Variants in EYS observed in about 807,000 individuals in gnomAD.
EYS encodes protein eyes shut homolog.
Under a neutral mutation model 282.1 loss-of-function variants are expected in EYS, and 250 were observed. The ratio of observed to expected loss-of-function variants is 0.89; its 90% CI spans 0.80 to 0.98. The LOEUF (loss-of-function observed/expected upper bound fraction) is 0.98, where lower values mean the gene tolerates loss of function less well. EYS is among the 50% of genes least tolerant of loss of function. The pLI, the probability that EYS is intolerant of heterozygous loss-of-function variation, is 0.00. For missense variants in EYS, 4,016 were observed against 3,709.0 expected (o/e 1.08, Z -2.15); for synonymous variants, 1,355 against 1,282.9 (o/e 1.06, Z -1.20).
At chr6:65,672,995 C>T (rs1211770548) in intron 1 of EYS, among the ~76,000 whole-genome samples, 1 of 151,846 alleles carries the variant, frequency 6.6e-6, no homozygotes, top group East Asian at 1.9e-4. Context: ...AGCTTCTGAG[C>T]CAGGAGAAGG....
chr6:64,626,161 A>G lies in EYS; in HGVS notation c.3528T>C (p.Cys1176=). ...SSSPCLHGAD[C]EDHINGYVCK... Reference sequence around the variant, plus strand: ...AAACATATCCATTGATGTGATCTTCACAGTCTGCACCATGTAGACATGGTG... The same window carrying G: ...AAACATATCCATTGATGTGATCTTCGCAGTCTGCACCATGTAGACATGGTG... Residue 1176 remains cysteine (C), a synonymous_variant, in exon 23 of 43, where the codon TGT becomes TGC. Coordinates refer to ENST00000503581, the MANE Select transcript of EYS (RefSeq NM_001142800.2). 2.6e-6 allele frequency: 4 copies of G among 1,546,660 alleles called. No individual in the cohort carries two copies. The South Asian group carries it at 3.6e-5, about 14-fold the overall frequency.
At chr6:64,814,173 C>G (rs1208867840) in intron 21 of EYS, among the ~76,000 whole-genome samples, 1 of 152,064 alleles carries the variant, frequency 6.6e-6, no homozygotes, top group Non-Finnish European at 1.5e-5. Context: ...TCCAGCATTT[C>G]TGACACCTGT....
In EYS at chr6:64,541,823, T is replaced by C. The variant is rs1764702123; in HGVS notation, c.5644+48400A>G. Among the ~76,000 whole-genome samples, 6 of 152,162 alleles carry C rather than the reference T, an allele frequency of 3.9e-5. No individual in the cohort carries two copies. The South Asian group carries it at 1.2e-3, about 31-fold the overall frequency. On this transcript the variant is annotated intron_variant, in intron 26 of 42. Transcript: ENST00000503581. The stretch of plus-strand genomic sequence containing the variant: ...AAGGATTTGTGAGAATGAAAGATGG[T>C]AATACAATGGAAGTGTTTTGTAGTT...
intron 33 of EYS, among the ~76,000 whole-genome samples, chr6:64,029,811 G>A (rs1769731976): frequency 2.0e-5 from 3 of 152,210 alleles, no homozygotes; most frequent in Admixed American, 2.0e-4. Context: ...CCGAGCCTTA[G>A]AACTGGGAAA....
intron 31 of EYS, among the ~76,000 whole-genome samples, chr6:64,185,792 CCAAA>C (rs1205167888): frequency 6.6e-6 from 1 of 152,104 alleles, no homozygotes; most frequent in Non-Finnish European, 1.5e-5. Flanking sequence ...TCATCTTTGT[CCAAA>C]CAACTACGTG....
intron 33 of EYS, among the ~76,000 whole-genome samples, chr6:64,033,366 A>C (rs1769953727): frequency 6.6e-6 from 1 of 152,214 alleles, no homozygotes; most frequent in Non-Finnish European, 1.5e-5. Flanking sequence ...AAATTCTGAA[A>C]AGACTTTTTC....
At chr6:65,558,211 C>G (rs1333974004) in intron 2 of EYS, among the ~76,000 whole-genome samples, 2 of 152,218 alleles carry the variant, frequency 1.3e-5, no homozygotes, top group Non-Finnish European at 2.9e-5. Flanking sequence ...CAACTGCAGG[C>G]CAGCACCAAG....
At chr6:65,654,422 AT>A (rs1767750681) in intron 1 of EYS, among the ~76,000 whole-genome samples, 1 of 151,802 alleles carries the variant, frequency 6.6e-6, no homozygotes, top group African/African-American at 2.4e-5. Context: ...CAACCCAAAG[AT>A]TTTTCCAAAT....
At chr6:64,260,952 A>C (rs1021942940) in intron 30 of EYS, among the ~76,000 whole-genome samples, 31 of 151,856 alleles carry the variant, frequency 2.0e-4, no homozygotes, top group Non-Finnish European at 3.8e-4. Context: ...TTTTTATACA[A>C]GTATACAATG....
intron 22 of EYS, among the ~76,000 whole-genome samples, chr6:64,762,322 A>G (rs908236597): frequency 3.3e-5 from 5 of 152,208 alleles, no homozygotes; most frequent in Non-Finnish European, 5.9e-5. Flanking sequence ...GCTAACTACT[A>G]TATTTTTCTG....
At chr6:65,331,299 G>T in intron 11 of EYS, 1 of 642,234 alleles carries the variant, frequency 1.6e-6, no homozygotes, top group Non-Finnish European at 1.9e-6. Context: ...CATTTATTCA[G>T]TGTATATATA....
chr6:64,763,016 A>G (rs192503956), intron 22 of EYS, among the ~76,000 whole-genome samples: 292 of 152,318 alleles, frequency 1.9e-3, no homozygotes, highest in African/African-American at 6.5e-3. Flanking sequence ...AAACTTTCTG[A>G]ATGGGAATTA....
chr6:65,050,834 G>T (rs1773249153), intron 13 of EYS, among the ~76,000 whole-genome samples: 1 of 151,602 alleles, frequency 6.6e-6, no homozygotes, highest in Non-Finnish European at 1.5e-5. Context: ...CTAATTACAA[G>T]TTCCCATAAC....
At chr6:65,540,770 A>C (rs984060966) in intron 2 of EYS, among the ~76,000 whole-genome samples, 1 of 152,014 alleles carries the variant, frequency 6.6e-6, no homozygotes, top group African/African-American at 2.4e-5. Flanking sequence ...AATACAAAAA[A>C]AAATTAGTCG....
intron 26 of EYS, among the ~76,000 whole-genome samples, chr6:64,468,970 G>T (rs1332947047): frequency 6.6e-6 from 1 of 152,084 alleles, no homozygotes; most frequent in Non-Finnish European, 1.5e-5. Context: ...ACACACATGT[G>T]CATGTGTCTT....
intron 22 of EYS, among the ~76,000 whole-genome samples, chr6:64,782,974 TAAAC>T (rs1773907325): frequency 6.6e-6 from 1 of 152,158 alleles, no homozygotes; most frequent in South Asian, 2.1e-4. Flanking sequence ...AATCCAGAAA[TAAAC>T]AATTCATAAC....
intron 14 of EYS, among the ~76,000 whole-genome samples, chr6:64,956,848 C>T (rs184042115): frequency 8.0e-4 from 122 of 152,244 alleles, no homozygotes; most frequent in African/African-American, 2.8e-3. Context: ...CTTAACATCA[C>T]TGATTATCAG....
At chr6:63,982,525 A>G (rs1315365744) in intron 35 of EYS, among the ~76,000 whole-genome samples, 1 of 151,822 alleles carries the variant, frequency 6.6e-6, no homozygotes, top group Non-Finnish European at 1.5e-5. Context: ...TGTTGGCTGG[A>G]GGCTGCCTCA....
rs527843423 is a variant in EYS, at chr6:64,047,805, T to G, written c.6725+18533A>C. Among the ~76,000 whole-genome samples, 27 of 152,338 alleles carry G rather than the reference T, an allele frequency of 1.8e-4. No individual in the cohort carries two copies. In the East Asian group the frequency reaches 4.8e-3, roughly 27 times the overall value. On this transcript the variant is annotated intron_variant, in intron 33 of 42. Transcript: ENST00000503581. ...GTGTCCCTACTGAATATCGCATTGG[T>G]GGGAACTATCATTAAGGTGACCGTC...
Sources: gnomAD v4.1 joint callset for allele counts (sites outside exome capture counted in the v4.1 genomes callset) on GRCh38, gnomAD v4.1.1 for gene constraint, MANE v1.5 for transcripts, NCBI Gene and HGNC (gene_info 2026-07-23, HGNC 2026-07-21) for gene names.